LMX1A: variants seen among roughly 807,000 people sequenced by gnomAD.
LMX1A encodes LIM homeobox transcription factor 1-alpha.
A neutral mutation model predicts 49.1 loss-of-function variants in LMX1A; 15 were observed. That is an observed-to-expected ratio of 0.31 (90% CI 0.20 to 0.47). The LOEUF is 0.47. Ranked by LOEUF, LMX1A falls within the 20% of genes least tolerant of loss-of-function variation. The pLI is 1.00. For synonymous variants in LMX1A, 167 were observed against 185.7 expected (o/e 0.90, Z 0.82); for missense variants, 372 against 475.8 (o/e 0.78, Z 2.03).
At chr1:165,226,386 T>C (rs1652036804) in intron 4 of LMX1A, among the ~76,000 whole-genome samples, 1 of 152,210 alleles carries the variant, frequency 6.6e-6, no homozygotes, top group Non-Finnish European at 1.5e-5. Flanking sequence ...TTTGCAAGAC[T>C]GGTGAATTCA....
chr1:165,301,113 C>G (rs1654761501), intron 3 of LMX1A, among the ~76,000 whole-genome samples: 1 of 152,162 alleles, frequency 6.6e-6, no homozygotes, highest in Non-Finnish European at 1.5e-5. Flanking sequence ...ACCGGCTTAA[C>G]ACAATTCCAA....
At chr1:165,267,372 T>A (rs1289505015) in intron 3 of LMX1A, among the ~76,000 whole-genome samples, 1 of 152,238 alleles carries the variant, frequency 6.6e-6, no homozygotes, top group African/African-American at 2.4e-5. Context: ...TCCATTTTTT[T>A]ATGGCTAAAT....
chr1:165,290,564 T>C (rs984821198), intron 3 of LMX1A, among the ~76,000 whole-genome samples: 1 of 152,154 alleles, frequency 6.6e-6, no homozygotes, highest in Non-Finnish European at 1.5e-5. Context: ...CTTAATTTAA[T>C]CACATCTACA....
At chr1:165,299,082 G>A (rs1009896869) in intron 3 of LMX1A, among the ~76,000 whole-genome samples, 2 of 152,188 alleles carry the variant, frequency 1.3e-5, no homozygotes, top group Non-Finnish European at 2.9e-5. Flanking sequence ...GTATGTTTCA[G>A]ACCCATGACT....
chr1:165,339,540 A>G (rs1656005729), intron 3 of LMX1A, among the ~76,000 whole-genome samples: 1 of 152,214 alleles, frequency 6.6e-6, no homozygotes, highest in Non-Finnish European at 1.5e-5. Context: ...CTGAAGAAGA[A>G]GGAAATAGGT....
chr1:165,230,733 G>C (rs941385468), intron 4 of LMX1A, among the ~76,000 whole-genome samples: 4 of 152,218 alleles, frequency 2.6e-5, no homozygotes, highest in Non-Finnish European at 5.9e-5. Flanking sequence ...AGGAAACTGA[G>C]TCACAGATAA....
At chr1:165,279,729 A>T (rs1020280016) in intron 3 of LMX1A, among the ~76,000 whole-genome samples, 2 of 152,226 alleles carry the variant, frequency 1.3e-5, no homozygotes, top group African/African-American at 4.8e-5. Flanking sequence ...AATTTGTATT[A>T]TTAGTTCCAA....
At chr1:165,277,152 G>A (rs555133366) in intron 3 of LMX1A, among the ~76,000 whole-genome samples, 1 of 152,232 alleles carries the variant, frequency 6.6e-6, no homozygotes, top group Non-Finnish European at 1.5e-5. Flanking sequence ...ATTTGTGTGG[G>A]TTTGTTGGTA....
intron 3 of LMX1A, among the ~76,000 whole-genome samples, chr1:165,313,031 G>C (rs1460211494): frequency 6.6e-6 from 1 of 152,184 alleles, no homozygotes; most frequent in African/African-American, 2.4e-5. Context: ...GTCCCCTGAA[G>C]AAGTGGCATT....
chr1:165,231,835 A>C (rs1195059860), intron 4 of LMX1A, among the ~76,000 whole-genome samples: 1 of 152,212 alleles, frequency 6.6e-6, no homozygotes, highest in Non-Finnish European at 1.5e-5. Context: ...CTAACACTTA[A>C]AACACTCACA....
chr1:165,279,481 T>A (rs1654079137), intron 3 of LMX1A, among the ~76,000 whole-genome samples: 1 of 151,976 alleles, frequency 6.6e-6, no homozygotes. Flanking sequence ...AGAGAGAAAC[T>A]GGCATTAATT....
chr1:165,268,700 T>C (rs540229934), intron 3 of LMX1A, among the ~76,000 whole-genome samples: 2 of 152,356 alleles, frequency 1.3e-5, no homozygotes, highest in South Asian at 4.1e-4. Flanking sequence ...TTAACCTCTC[T>C]GAGCCTGAAT....
At chr1:165,233,525 C>G (rs1459621810) in intron 4 of LMX1A, among the ~76,000 whole-genome samples, 1 of 152,182 alleles carries the variant, frequency 6.6e-6, no homozygotes, top group African/African-American at 2.4e-5. Context: ...TCACATCTGA[C>G]CTCCCCCTTA....
intron 3 of LMX1A, among the ~76,000 whole-genome samples, chr1:165,251,355 T>A (rs561613256): frequency 6.6e-6 from 1 of 152,322 alleles, no homozygotes; most frequent in South Asian, 2.1e-4. Context: ...AGTGCTAGGA[T>A]TATAGGCATG....
chr1:165,338,239 A>G (rs79591324), intron 3 of LMX1A, among the ~76,000 whole-genome samples: 2,756 of 152,248 alleles, frequency 0.018, 88 homozygotes, highest in African/African-American at 0.063. Flanking sequence ...GGGCCTTACC[A>G]CATTACAGGT....
At chr1:165,234,265 C>G (rs1232694023) in intron 4 of LMX1A, among the ~76,000 whole-genome samples, 1 of 152,138 alleles carries the variant, frequency 6.6e-6, no homozygotes, top group Non-Finnish European at 1.5e-5. Flanking sequence ...TTTCTAACAA[C>G]ATACTCATTT....
chr1:165,245,645 A>G (rs1652827016), intron 4 of LMX1A, among the ~76,000 whole-genome samples: 1 of 146,824 alleles, frequency 6.8e-6, no homozygotes, highest in Non-Finnish European at 1.5e-5. Context: ...AAAAAAAAAA[A>G]TACTGAAACT....
intron 3 of LMX1A, among the ~76,000 whole-genome samples, chr1:165,312,199 T>A (rs77449874): frequency 0.042 from 6,454 of 152,216 alleles, 471 homozygotes; most frequent in African/African-American, 0.15. Flanking sequence ...ACCAGGGCCA[T>A]GAGAACAAGG....
intron 3 of LMX1A, among the ~76,000 whole-genome samples, chr1:165,309,137 C>G (rs531386147): frequency 6.6e-6 from 1 of 152,190 alleles, no homozygotes; most frequent in East Asian, 1.9e-4. Flanking sequence ...AAGTGATTAC[C>G]ACCGAGATAC....
Sources: gnomAD v4.1 joint callset for allele counts (sites outside exome capture counted in the v4.1 genomes callset) on GRCh38, gnomAD v4.1.1 for gene constraint, MANE v1.5 for transcripts, NCBI Gene and HGNC (gene_info 2026-07-23, HGNC 2026-07-21) for gene names.